Variants in PRKCA observed in about 807,000 individuals in gnomAD.
PRKCA encodes the protein protein kinase C alpha type.
Under a neutral mutation model 87.0 loss-of-function variants are expected in PRKCA, and 27 were observed. The ratio of observed to expected loss-of-function variants is 0.31; its 90% CI spans 0.23 to 0.43. The LOEUF is 0.43. Ranked by LOEUF, PRKCA falls within the 20% of genes least tolerant of loss-of-function variation. The probability of loss-of-function intolerance (pLI) is 1.00; values close to 1 mark genes in which losing one functional copy is unlikely to be tolerated. For missense variants in PRKCA, 518 were observed against 852.3 expected, an observed-to-expected ratio of 0.61 and a Z score of 4.88; for synonymous variants, 329 against 311.1, an observed-to-expected ratio of 1.06 and a Z score of -0.61.
chr17:66,316,189 G>A (rs1325232598), intron 2 of PRKCA, among the ~76,000 whole-genome samples: 1 of 152,098 alleles, frequency 6.6e-6, no homozygotes, highest in African/African-American at 2.4e-5. Flanking sequence ...ATCTTATTTG[G>A]GATGTTGCCC....
At chr17:66,662,714 G>A (rs373761627) in intron 5 of PRKCA, among the ~76,000 whole-genome samples, 61 of 151,752 alleles carry the variant, frequency 4.0e-4, no homozygotes, top group East Asian at 3.9e-4. Flanking sequence ...TGAAAATCTC[G>A]TAGGCCTGGC....
chr17:66,462,135 G>A (rs907445672), intron 2 of PRKCA, among the ~76,000 whole-genome samples: 9 of 152,134 alleles, frequency 5.9e-5, no homozygotes, highest in African/African-American at 1.9e-4. Context: ...ACTCAAGTTG[G>A]ACAGACAAAT....
chr17:66,584,943 C>T (rs1194051184), intron 3 of PRKCA, among the ~76,000 whole-genome samples: 1 of 152,012 alleles, frequency 6.6e-6, no homozygotes, highest in African/African-American at 2.4e-5. Context: ...GACACTGACA[C>T]ACAAGGAGTG....
chr17:66,576,616 G>A (rs1969243824), intron 3 of PRKCA, among the ~76,000 whole-genome samples: 1 of 152,182 alleles, frequency 6.6e-6, no homozygotes, highest in Admixed American at 6.5e-5. Context: ...AGAGAAATTT[G>A]ATACCCATGT....
intron 14 of PRKCA, among the ~76,000 whole-genome samples, chr17:66,785,511 C>G (rs752875314): frequency 6.6e-6 from 1 of 152,124 alleles, no homozygotes; most frequent in Non-Finnish European, 1.5e-5. Flanking sequence ...GCCTTTCTGA[C>G]GCTAAGCTCA....
rs369229715 is a variant in PRKCA at position 66,519,375 on chromosome 17, A to G, written c.288+23092A>G. On this transcript the variant is annotated intron_variant, in intron 3 of 16. Transcript: ENST00000413366. ...TTTATTAGCAAGTTTATAGCTTGTAAGATGGTCCAGTCAGATATTCATGCA... is the reference window on the plus strand; with the variant it reads ...TTTATTAGCAAGTTTATAGCTTGTAGGATGGTCCAGTCAGATATTCATGCA... Among the ~76,000 whole-genome samples, 30 of 152,340 alleles carry G rather than the reference A, an allele frequency of 2.0e-4. No individual in the cohort carries two copies. The East Asian group carries it at 2.1e-3, about 11-fold the overall frequency.
At chr17:66,781,887 A>ATAGTGT (rs767300220) in intron 14 of PRKCA, among the ~76,000 whole-genome samples, 2 of 125,548 alleles carry the variant, frequency 1.6e-5, no homozygotes, top group African/African-American at 3.2e-5. Context: ...ATATATATAT[A>ATAGTGT]GTGTGTGTGT....
intron 2 of PRKCA, among the ~76,000 whole-genome samples, chr17:66,427,401 A>G (rs897920727): frequency 2.6e-5 from 4 of 152,232 alleles, no homozygotes; most frequent in African/African-American, 9.6e-5. Context: ...CTGCTTTTGC[A>G]TTGCAGTGGT....
At chr17:66,702,708 AGTCATGCCTCTATAC>A (rs1353340758) in intron 8 of PRKCA, among the ~76,000 whole-genome samples, 2 of 152,194 alleles carry the variant, frequency 1.3e-5, no homozygotes, top group African/African-American at 4.8e-5. Flanking sequence ...CCATTTTGTT[AGTCATGCCTCTATAC>A]AGGGATGCCT....
At chr17:66,649,401 T>A (rs904093280) in intron 5 of PRKCA, among the ~76,000 whole-genome samples, 3 of 152,248 alleles carry the variant, frequency 2.0e-5, no homozygotes, top group African/African-American at 7.2e-5. Context: ...TTCATAGGAC[T>A]GGACCTTTAT....
At chr17:66,745,290 C>T (rs1974246515) in intron 13 of PRKCA, among the ~76,000 whole-genome samples, 1 of 152,248 alleles carries the variant, frequency 6.6e-6, no homozygotes, top group South Asian at 2.1e-4. Context: ...GATACTTTCA[C>T]ATCTGAAGCC....
chr17:66,685,536 TG>T, intron 5 of PRKCA, among the ~76,000 whole-genome samples: 1 of 152,314 alleles, frequency 6.6e-6, no homozygotes, highest in South Asian at 2.1e-4. Flanking sequence ...CCTCCCCCTC[TG>T]TATTTGAATA....
chr17:66,765,430 A>ATATATATG (rs1431683143), intron 13 of PRKCA, among the ~76,000 whole-genome samples: 1 of 130,880 alleles, frequency 7.6e-6, no homozygotes, highest in African/African-American at 2.9e-5. Context: ...ATATATATAT[A>ATATATATG]TATATATATA....
intron 2 of PRKCA, among the ~76,000 whole-genome samples, chr17:66,349,225 A>G (rs1907586278): frequency 1.3e-5 from 2 of 152,196 alleles, no homozygotes; most frequent in Non-Finnish European, 1.5e-5. Context: ...TAAAGCAAAT[A>G]GTTTATTTTT....
At chr17:66,404,427 T>C (rs912953838) in intron 2 of PRKCA, among the ~76,000 whole-genome samples, 2 of 152,232 alleles carry the variant, frequency 1.3e-5, no homozygotes, top group African/African-American at 2.4e-5. Context: ...AGCATTACGC[T>C]GCCCAAAGTG....
intron 3 of PRKCA, among the ~76,000 whole-genome samples, chr17:66,506,421 G>T (rs1042243707): frequency 2.0e-5 from 3 of 152,102 alleles, no homozygotes; most frequent in Non-Finnish European, 4.4e-5. Context: ...TTTGTGAGAG[G>T]GTCCTGTGTG....
At chr17:66,706,667 T>A (rs1034918043) in intron 8 of PRKCA, among the ~76,000 whole-genome samples, 16 of 151,976 alleles carry the variant, frequency 1.1e-4, no homozygotes, top group African/African-American at 3.9e-4. Flanking sequence ...GTTTCAGGAT[T>A]TTTAAGTGGT....
intron 3 of PRKCA, among the ~76,000 whole-genome samples, chr17:66,498,638 A>G (rs1262315227): frequency 6.6e-6 from 1 of 152,226 alleles, no homozygotes; most frequent in Non-Finnish European, 1.5e-5. Context: ...ACATTAAAAT[A>G]TCACTAATTC....
Position 66,738,764 on chromosome 17 carries a change from G to C in PRKCA, c.1231G>C (p.Asp411His). 6.2e-7 allele frequency: 1 copy of C among 1,613,614 alleles called. No homozygotes were observed. Among genetic ancestry groups the C allele is most frequent in the East Asian group, 2.2e-5 (1 of 44,852 alleles). Residue 411 changes from aspartate to histidine, a missense_variant and splice_region_variant, in exon 11 of 17, where the codon GAT becomes CAT. Asp to His is a moderately conservative substitution (Grantham distance 81, BLOSUM62 -1). Transcript: ENST00000413366. ...TCATGTGTTGAACCTTGGTCTGCAG[G>C]ATCGGCTGTACTTCGTCATGGAATA... ...TQLHSCFQTV[D>H]RLYFVMEYVN...
Sources: gnomAD v4.1 joint callset for allele counts (sites outside exome capture counted in the v4.1 genomes callset) on GRCh38, gnomAD v4.1.1 for gene constraint, MANE v1.5 for transcripts, NCBI Gene and HGNC (gene_info 2026-07-23, HGNC 2026-07-21) for gene names.